Variants in PDS5A observed in about 807,000 individuals in gnomAD.
PDS5A encodes the protein PDS5 cohesin associated factor A.
In PDS5A, 42 loss-of-function variants were observed where a neutral mutation model predicts 167.1. The ratio of observed to expected loss-of-function variants is 0.25; its 90% CI spans 0.20 to 0.33. The LOEUF (loss-of-function observed/expected upper bound fraction) is 0.33, where lower values mean the gene tolerates loss of function less well. Among genes scored for constraint, PDS5A ranks in the 10% least tolerant of loss-of-function variants. The pLI is 1.00. For missense variants in PDS5A, 1,033 were observed against 1,605.9 expected (o/e 0.64, Z 6.10); for synonymous variants, 553 against 554.6 (o/e 1.00, Z 0.04).
chr4:39,939,625 C>T (rs1383268770), intron 2 of PDS5A, among the ~76,000 whole-genome samples: 1 of 152,100 alleles, frequency 6.6e-6, no homozygotes, highest in East Asian at 1.9e-4. Flanking sequence ...GAAACCCCTT[C>T]TCTACTAAAA....
chr4:39,897,880 A>G (rs544655379), intron 16 of PDS5A: 7 of 255,690 alleles, frequency 2.7e-5, no homozygotes, highest in African/African-American at 1.4e-4. Flanking sequence ...AAAAAAAAAA[A>G]AGCTGAATAA....
At chr4:39,831,973 G>A (rs1431992766) in intron 32 of PDS5A, among the ~76,000 whole-genome samples, 1 of 149,858 alleles carries the variant, frequency 6.7e-6, no homozygotes, top group African/African-American at 2.4e-5. Flanking sequence ...AATTAGCCGG[G>A]TGTGGTGGCG....
chr4:39,832,025 A>G (rs931945907), intron 32 of PDS5A, among the ~76,000 whole-genome samples: 1 of 151,276 alleles, frequency 6.6e-6, no homozygotes, highest in Non-Finnish European at 1.5e-5. Flanking sequence ...GAGGCACAAG[A>G]ATCCCTTGAA....
At chr4:39,971,232 T>C (rs1052249635) in intron 2 of PDS5A, among the ~76,000 whole-genome samples, 2 of 152,098 alleles carry the variant, frequency 1.3e-5, no homozygotes, top group African/African-American at 4.8e-5. Flanking sequence ...GATCTTGGCT[T>C]ACTGCAAGCT....
intron 12 of PDS5A, 52 bp downstream of exon 12, chr4:39,903,988 T>A: frequency 9.5e-7 from 1 of 1,050,326 alleles, no homozygotes. Flanking sequence ...AGACATTTTT[T>A]AAGTAAAAAG....
At chr4:39,853,606 T>C (rs1718296033) in intron 26 of PDS5A, among the ~76,000 whole-genome samples, 1 of 152,230 alleles carries the variant, frequency 6.6e-6, no homozygotes, top group Non-Finnish European at 1.5e-5. Context: ...TTTTATTTCC[T>C]GGCCTTCCCT....
intron 2 of PDS5A, among the ~76,000 whole-genome samples, chr4:39,955,449 A>G (rs771768198): frequency 1.3e-5 from 2 of 151,900 alleles, no homozygotes; most frequent in Non-Finnish European, 2.9e-5. Flanking sequence ...CAAAAATACA[A>G]AAAATTACCC....
intron 13 of PDS5A, among the ~76,000 whole-genome samples, chr4:39,901,883 T>C (rs1722918055): frequency 6.6e-6 from 1 of 152,210 alleles, no homozygotes; most frequent in Non-Finnish European, 1.5e-5. Flanking sequence ...ACATCCTGGT[T>C]GGCCTGGGAC....
chr4:39,975,238 C>G (rs1019335393), intron 2 of PDS5A, among the ~76,000 whole-genome samples: 1 of 152,028 alleles, frequency 6.6e-6, no homozygotes, highest in African/African-American at 2.4e-5. Context: ...ATCCCGCCGC[C>G]GCACACAGAT....
At chr4:39,919,789 A>T (rs1724751880) in intron 7 of PDS5A, among the ~76,000 whole-genome samples, 1 of 152,186 alleles carries the variant, frequency 6.6e-6, no homozygotes, top group Admixed American at 6.5e-5. Context: ...CAAACCCAGA[A>T]CAAATTCCTC....
intron 2 of PDS5A, among the ~76,000 whole-genome samples, chr4:39,947,211 TGGGA>T (rs1328967430): frequency 2.6e-5 from 4 of 152,050 alleles, no homozygotes; most frequent in African/African-American, 9.7e-5. Flanking sequence ...CCCAGCAATT[TGGGA>T]GGGTGATGCT....
chr4:39,965,335 A>C (rs1729876910), intron 2 of PDS5A, among the ~76,000 whole-genome samples: 1 of 152,194 alleles, frequency 6.6e-6, no homozygotes, highest in African/African-American at 2.4e-5. Context: ...GTTTAAGTAA[A>C]GCCACTGTGG....
In PDS5A at chr4:39,928,009, A is replaced by G; in HGVS notation, c.294T>C (p.Phe98=). The G allele has an allele frequency of 6.2e-7, 1 of 1,613,914 alleles. No individual in the cohort carries two copies. Among genetic ancestry groups the G allele is most frequent in the East Asian group, 2.2e-5 (1 of 44,860 alleles). The change falls in exon 3 of 33, where the codon TTT becomes TTC. Residue 98 remains phenylalanine, a synonymous_variant. Coordinates refer to ENST00000303538, the MANE Select transcript of PDS5A (RefSeq NM_001100399.2). ...ATGGAGCTTCTGGGGCATAGATACG[A>G]AAGATATCAGCCAAACAACATGCTA... ...LLVACCLADI[F]RIYAPEAPYT...
At chr4:39,963,938 C>T (rs1729739925) in intron 2 of PDS5A, among the ~76,000 whole-genome samples, 1 of 152,058 alleles carries the variant, frequency 6.6e-6, no homozygotes, top group South Asian at 2.1e-4. Flanking sequence ...GACCGACTCT[C>T]GCTCTGTCAC....
At chr4:39,962,872 G>A (rs1578837110) in intron 2 of PDS5A, among the ~76,000 whole-genome samples, 1 of 152,118 alleles carries the variant, frequency 6.6e-6, no homozygotes, top group African/African-American at 2.4e-5. Context: ...TGAGGCAGGA[G>A]AATCACTTGA....
intron 2 of PDS5A, among the ~76,000 whole-genome samples, chr4:39,941,728 C>A (rs1034476000): frequency 6.6e-6 from 1 of 152,152 alleles, no homozygotes; most frequent in African/African-American, 2.4e-5. Context: ...CATTATTATG[C>A]CTTTTCATTG....
intron 26 of PDS5A, among the ~76,000 whole-genome samples, chr4:39,858,330 A>G (rs1395754218): frequency 6.6e-6 from 1 of 152,270 alleles, no homozygotes; most frequent in Non-Finnish European, 1.5e-5. Flanking sequence ...ATAAAGTTAC[A>G]GTAATGACAG....
At chr4:39,959,617 C>T (rs905377782) in intron 2 of PDS5A, among the ~76,000 whole-genome samples, 5 of 151,954 alleles carry the variant, frequency 3.3e-5, no homozygotes, top group Non-Finnish European at 7.4e-5. Flanking sequence ...GGATCACAGG[C>T]GTGAGCCACC....
At chr4:39,906,287 G>C (rs1430896378) in intron 11 of PDS5A, among the ~76,000 whole-genome samples, 1 of 152,092 alleles carries the variant, frequency 6.6e-6, no homozygotes, top group African/African-American at 2.4e-5. Flanking sequence ...AGGATCGCTT[G>C]AGCCTGGGAA....
Sources: gnomAD v4.1 joint callset for allele counts (sites outside exome capture counted in the v4.1 genomes callset) on GRCh38, gnomAD v4.1.1 for gene constraint, MANE v1.5 for transcripts, NCBI Gene and HGNC (gene_info 2026-07-23, HGNC 2026-07-21) for gene names.